DNAAF9: variants seen among roughly 807,000 people sequenced by gnomAD.
The protein encoded by DNAAF9 is shulin.
DNAAF9 carries 90 observed loss-of-function variants against 167.0 expected under a neutral mutation model. The observed-to-expected ratio is 0.54, with a 90% CI of 0.45 to 0.64. The LOEUF (loss-of-function observed/expected upper bound fraction) is 0.64. DNAAF9 is among the 30% of genes least tolerant of loss of function. The pLI, the probability that DNAAF9 is intolerant of heterozygous loss-of-function variation, is 0.00. For missense variants in DNAAF9, 1,315 were observed against 1,442.2 expected (o/e 0.91, Z 1.43); for synonymous variants, 491 against 508.8 (o/e 0.96, Z 0.47).
chr20:3,307,304 C>G (rs769026721), intron 20 of DNAAF9: 1 of 199,282 alleles, frequency 5.0e-6, no homozygotes, highest in African/African-American at 2.4e-5. Context: ...TCAGTACTGT[C>G]CTGTGATCTG....
chr20:3,400,132 A>C (rs185251349), intron 1 of DNAAF9, among the ~76,000 whole-genome samples: 2 of 152,216 alleles, frequency 1.3e-5, no homozygotes, highest in Admixed American at 1.3e-4. Context: ...CATTCTCTGA[A>C]TATTTCCTTA....
chr20:3,379,674 T>C (rs905947242), intron 3 of DNAAF9, among the ~76,000 whole-genome samples: 1 of 152,316 alleles, frequency 6.6e-6, no homozygotes, highest in South Asian at 2.1e-4. Context: ...ATGTAGAAAT[T>C]TGGTGATCTC....
At chr20:3,257,799 G>A (rs2068307529) in intron 33 of DNAAF9, among the ~76,000 whole-genome samples, 1 of 152,082 alleles carries the variant, frequency 6.6e-6, no homozygotes, top group South Asian at 2.1e-4. Flanking sequence ...CCATCTCCCA[G>A]GTTCAAGTGA....
chr20:3,295,867 T>C (rs999241797), intron 23 of DNAAF9: 25 of 1,062,176 alleles, frequency 2.4e-5, no homozygotes, highest in Non-Finnish European at 3.1e-5. Context: ...CATCCTTTAA[T>C]GTTCTCATGG....
rs141051760 is a variant in DNAAF9, at chr20:3,282,569, G to A, written c.2487-803C>T. Among the ~76,000 whole-genome samples the A allele has an allele frequency of 4.1e-3, 619 of 152,162 alleles. 8 individuals are homozygous for A. Among genetic ancestry groups the A allele is most frequent in the African/African-American group, 0.014 (590 of 41,478 alleles). On this transcript the variant is annotated intron_variant, in intron 27 of 36. Coordinates refer to ENST00000252032, the MANE Select transcript of DNAAF9 (RefSeq NM_001009984.3). ...CATGTCATTTCTCTGCTCAAAACCC[G>A]CTGGTGGCTTCCATCTCACTCTGTG...
At chr20:3,275,909 AG>A (rs2068668587) in intron 29 of DNAAF9, among the ~76,000 whole-genome samples, 1 of 152,228 alleles carries the variant, frequency 6.6e-6, no homozygotes, top group Non-Finnish European at 1.5e-5. Flanking sequence ...CAGAAAACAA[AG>A]GTGACTTCTT....
Position 3,310,349 on chromosome 20 carries a change from G to GAAAGAAAGAAAGAAAGA in DNAAF9, c.1678+4667_1678+4683dup, listed in dbSNP as rs1555790627. Among the ~76,000 whole-genome samples the GAAAGAAAGAAAGAAAGA allele has an allele frequency of 2.0e-5, 3 of 146,970 alleles. No homozygotes were observed. In the Admixed American group the frequency reaches 2.0e-4, roughly 10 times the overall value. On this transcript the variant is annotated intron_variant, in intron 20 of 36. Coordinates refer to ENST00000252032, the MANE Select transcript of DNAAF9 (RefSeq NM_001009984.3). Reference sequence around the variant, plus strand: ...AGAGAAAGAAAAAGAAAGAAAGAAAGAAAGAAAGAAAGAAAGAAAGAAAGA... The same window carrying GAAAGAAAGAAAGAAAGA: ...AGAGAAAGAAAAAGAAAGAAAGAAAGAAAGAAAGAAAGAAAGAAAAGAAAGAAAGAAAGAAAGAAAGA...
At position 3,253,732 on chromosome 20, in the gene DNAAF9, GA is replaced by G; in HGVS notation, c.3414del (p.His1139ThrfsTer8). The G allele has an allele frequency of 6.2e-7, 1 of 1,600,328 alleles. No individual in the cohort carries two copies. The highest frequency in any genetic ancestry group is 8.6e-7 in the Non-Finnish European group (1 of 1,167,462). The part of the protein sequence containing the change: ...FVNFFGDKTD[F>X]HPLMDQFMND... ...CACGCTGTTCCAAGGATACGTGGGT[GA>G]AAATCAGTTTTGTCACCAAAGAAGT... On this transcript the variant is annotated frameshift_variant, in exon 36 of 37. Coordinates refer to ENST00000252032, the MANE Select transcript of DNAAF9 (RefSeq NM_001009984.3). LOFTEE classifies it high-confidence loss of function.
At chr20:3,263,384 TGA>T (rs1488867555) in intron 31 of DNAAF9, among the ~76,000 whole-genome samples, 1 of 152,086 alleles carries the variant, frequency 6.6e-6, no homozygotes, top group East Asian at 1.9e-4. Context: ...CAAATAAACA[TGA>T]GAGATTAATT....
At chr20:3,342,029 G>A (rs1177726318) in intron 9 of DNAAF9, among the ~76,000 whole-genome samples, 4 of 152,080 alleles carry the variant, frequency 2.6e-5, no homozygotes, top group African/African-American at 4.8e-5. Flanking sequence ...CACCCACCTC[G>A]GCCTCCCAGG....
intron 6 of DNAAF9, among the ~76,000 whole-genome samples, chr20:3,369,670 C>T (rs2083482991): frequency 2.0e-5 from 3 of 152,166 alleles, no homozygotes; most frequent in Non-Finnish European, 4.4e-5. Flanking sequence ...AGCCACCAAG[C>T]CCGGCCTAAA....
chr20:3,382,511 A>C lies in DNAAF9; in HGVS notation c.84-5T>G, dbSNP rs1234155485. On this transcript the variant is annotated splice_polypyrimidine_tract_variant and splice_region_variant and intron_variant, in intron 1 of 36. Transcript: ENST00000252032. ...ACCTGCCGAAGTCGACTGCAGCTGC[A>C]ACAAGAACAGAAAATGGTCCCCTGA... 1 of 1,613,300 alleles carries C rather than the reference A, an allele frequency of 6.2e-7. No homozygotes were observed. Among genetic ancestry groups the C allele is most frequent in the Non-Finnish European group, 8.5e-7 (1 of 1,179,406 alleles).
At chr20:3,308,200 T>A (rs1231457043) in intron 20 of DNAAF9, among the ~76,000 whole-genome samples, 1 of 152,146 alleles carries the variant, frequency 6.6e-6, no homozygotes, top group Non-Finnish European at 1.5e-5. Context: ...TTGTCTGTGT[T>A]TTTATATAAA....
At chr20:3,310,618 G>T (rs1431558869) in intron 20 of DNAAF9, among the ~76,000 whole-genome samples, 1 of 151,830 alleles carries the variant, frequency 6.6e-6, no homozygotes, top group East Asian at 1.9e-4. Context: ...CTGGGAGGTA[G>T]AGGCTGCAGT....
chr20:3,340,456 C>CCCCAAA, intron 10 of DNAAF9, 48 bp downstream of exon 10: 1 of 1,152,354 alleles, frequency 8.7e-7, no homozygotes, highest in Admixed American at 2.3e-5. Context: ...CCCACCCCCA[C>CCCCAAA]AACTTGATAA....
chr20:3,392,010 C>T (rs952802269), intron 1 of DNAAF9, among the ~76,000 whole-genome samples: 1 of 152,020 alleles, frequency 6.6e-6, no homozygotes, highest in Non-Finnish European at 1.5e-5. Context: ...TCTACAAAAA[C>T]TAAAAATAAA....
intron 33 of DNAAF9, among the ~76,000 whole-genome samples, chr20:3,256,901 A>G (rs1006681): frequency 0.51 from 77,442 of 152,002 alleles, 19,882 homozygotes; most frequent in East Asian, 0.56. Context: ...GTGTGATGGT[A>G]TGTTCCTGTA....
At chr20:3,340,896 C>A (rs539749793) in intron 9 of DNAAF9, among the ~76,000 whole-genome samples, 32 of 152,234 alleles carry the variant, frequency 2.1e-4, no homozygotes, top group South Asian at 6.2e-4. Context: ...GCATGTCCCA[C>A]TTTTTGAGGA....
intron 30 of DNAAF9, among the ~76,000 whole-genome samples, chr20:3,268,896 A>AATTTTTTTTT (rs1649924645): frequency 1.2e-5 from 1 of 80,840 alleles, no homozygotes; most frequent in African/African-American, 4.7e-5. Flanking sequence ...TCTCTATGTT[A>AATTTTTTTTT]CTTTTTTTTT....
Sources: allele counts gnomAD v4.1 joint callset (sites outside exome capture counted in the v4.1 genomes callset), GRCh38; gene constraint gnomAD v4.1.1; transcripts MANE v1.5; gene names NCBI Gene and HGNC (gene_info 2026-07-23, HGNC 2026-07-21).